Variants in EYA3 observed in about 807,000 individuals in gnomAD.
EYA3 encodes the protein protein phosphatase EYA3.
Under a neutral mutation model 80.0 loss-of-function variants are expected in EYA3, and 39 were observed. The observed-to-expected ratio is 0.49, with a 90% CI of 0.38 to 0.64. The LOEUF is 0.64. EYA3 is among the 30% of genes least tolerant of loss of function. The pLI is 0.00. For missense variants in EYA3, 523 were observed against 676.1 expected (o/e 0.77, Z 2.51); for synonymous variants, 206 against 232.8 (o/e 0.88, Z 1.05).
intron 1 of EYA3, among the ~76,000 whole-genome samples, chr1:28,081,505 A>T (rs955580538): frequency 2.6e-5 from 4 of 152,212 alleles, no homozygotes; most frequent in Non-Finnish European, 5.9e-5. Flanking sequence ...ATATTTAGGT[A>T]CTATTTTTTA....
intron 16 of EYA3, 142 bp downstream of exon 16, chr1:27,988,392 CT>C (rs1316296379): frequency 2.2e-6 from 2 of 900,234 alleles, no homozygotes; most frequent in Admixed American, 6.3e-5. Context: ...AATTGCATTA[CT>C]GAAAATATTA....
At chr1:28,042,475 G>A in intron 4 of EYA3, 96 bp downstream of exon 4, 1 of 1,026,528 alleles carries the variant, frequency 9.7e-7, no homozygotes, top group Non-Finnish European at 1.5e-6. Flanking sequence ...GGATATTTTG[G>A]GACAAACAAG....
At chr1:27,984,643 G>A (rs1280580425) in intron 16 of EYA3, among the ~76,000 whole-genome samples, 2 of 152,160 alleles carry the variant, frequency 1.3e-5, no homozygotes, top group Non-Finnish European at 2.9e-5. Flanking sequence ...GAGGACTTTT[G>A]TCACTGCTGT....
intron 2 of EYA3, among the ~76,000 whole-genome samples, chr1:28,050,175 T>TTTATTA (rs370930213): frequency 4.9e-4 from 66 of 133,566 alleles, no homozygotes; most frequent in South Asian, 1.9e-3. Flanking sequence ...TTACTTTTTA[T>TTTATTA]TTATTATTAT....
At chr1:28,080,912 G>A (rs1172609713) in intron 1 of EYA3, among the ~76,000 whole-genome samples, 3 of 151,930 alleles carry the variant, frequency 2.0e-5, no homozygotes, top group African/African-American at 7.3e-5. Context: ...CACCATGCCT[G>A]GCTAATTTTG....
intron 1 of EYA3, among the ~76,000 whole-genome samples, chr1:28,072,882 T>C (rs1437209551): frequency 6.6e-6 from 1 of 151,636 alleles, no homozygotes; most frequent in Non-Finnish European, 1.5e-5. Context: ...ACCCATACAA[T>C]GGAATACTGT....
intron 1 of EYA3, among the ~76,000 whole-genome samples, chr1:28,059,026 C>T (rs1161073540): frequency 6.6e-6 from 1 of 152,204 alleles, no homozygotes; most frequent in Non-Finnish European, 1.5e-5. Context: ...GTACCTAACT[C>T]ACATACAAAG....
intron 16 of EYA3, among the ~76,000 whole-genome samples, chr1:27,986,342 G>A (rs541676186): frequency 4.0e-5 from 6 of 151,408 alleles, no homozygotes; most frequent in African/African-American, 9.7e-5. Context: ...TCCAGCCTGA[G>A]CAACAAGAGC....
At position 27,981,807 on chromosome 1, in the gene EYA3, T is replaced by G. The variant is rs1166799174; in HGVS notation, c.1541-3333A>C. Among the ~76,000 whole-genome samples the G allele has an allele frequency of 4.0e-5, 6 of 151,468 alleles. No homozygotes were observed. In the East Asian group the frequency reaches 7.7e-4, roughly 20 times the overall value. On this transcript the variant is annotated intron_variant, in intron 16 of 17. Transcript: ENST00000373871. ...AAAAAATGCCTACCACCAACGAAGC[T>G]TTGTAAAATCTTAACACTTCACAGT...
chr1:28,024,982 G>A (rs1571833697), intron 7 of EYA3, among the ~76,000 whole-genome samples: 1 of 152,180 alleles, frequency 6.6e-6, no homozygotes, highest in African/African-American at 2.4e-5. Context: ...GGGAGGATGG[G>A]CTGCTGTCAA....
At chr1:28,060,575 CTTT>C (rs928319928) in intron 1 of EYA3, among the ~76,000 whole-genome samples, 5 of 152,192 alleles carry the variant, frequency 3.3e-5, no homozygotes, top group African/African-American at 1.2e-4. Flanking sequence ...AGAAAACCTT[CTTT>C]AAGGGAAACA....
At chr1:28,064,864 T>G (rs906193753) in intron 1 of EYA3, among the ~76,000 whole-genome samples, 2 of 152,186 alleles carry the variant, frequency 1.3e-5, no homozygotes, top group African/African-American at 4.8e-5. Context: ...ATCATCCTCA[T>G]GCTACAAACA....
rs71027260 is a variant in EYA3, at chr1:28,062,657, GGTGTGTGTGTGTGT to G, written c.-68-4577_-68-4564del. ...TAGGAAGAGAAATTAAATATATGTAGGTGTGTGTGTGTGTGTGTGTGTGTGTGTGTGTGTGTTCT... is the reference window on the plus strand; with the variant it reads ...TAGGAAGAGAAATTAAATATATGTAGGTGTGTGTGTGTGTGTGTGTGTTCT... On this transcript the variant is annotated intron_variant, in intron 1 of 17. Coordinates refer to ENST00000373871, the MANE Select transcript of EYA3 (RefSeq NM_001990.4). Among the ~76,000 whole-genome samples the G allele has an allele frequency of 1.5e-4, 21 of 141,624 alleles. No homozygotes were observed. In the East Asian group the frequency reaches 1.6e-3, roughly 11 times the overall value. 92.9% of individuals were successfully genotyped at this position (141,624 alleles called of 152,430 possible).
chr1:27,984,202 AATTTTT>A (rs1216588938), intron 16 of EYA3, among the ~76,000 whole-genome samples: 8 of 151,878 alleles, frequency 5.3e-5, no homozygotes, highest in African/African-American at 7.2e-5. Flanking sequence ...ACACCCGGCT[AATTTTT>A]ATTTTTATTT....
chr1:28,003,469 C>A (rs973822068), intron 11 of EYA3, among the ~76,000 whole-genome samples: 1 of 149,544 alleles, frequency 6.7e-6, no homozygotes, highest in African/African-American at 2.5e-5. Context: ...GACTCTCTCT[C>A]AAAAAACAAA....
chr1:28,022,490 A>T (rs983169570), intron 7 of EYA3, among the ~76,000 whole-genome samples: 3 of 152,166 alleles, frequency 2.0e-5, no homozygotes, highest in African/African-American at 7.2e-5. Flanking sequence ...CAGATCAATA[A>T]GGGACAGGGT....
At position 28,009,604 on chromosome 1, in the gene EYA3, C is replaced by T. The variant is rs1217326027; in HGVS notation, c.909+1343G>A. ...GGCAGAGGTCACGGTAAGCCGAGAT[C>T]GTGCCACTGCACTCCAGCCTGAGAC... On this transcript the variant is annotated intron_variant, in intron 10 of 17. Coordinates refer to ENST00000373871, the MANE Select transcript of EYA3 (RefSeq NM_001990.4). The surrounding 1 kb of genome is among the most constrained non-coding windows in gnomAD (Gnocchi z 4.8). 1.3e-5 allele frequency among the ~76,000 whole-genome samples: 2 copies of T among 152,028 alleles called. No individual in the cohort carries two copies. Among genetic ancestry groups the T allele is most frequent in the South Asian group, 2.1e-4 (1 of 4,820 alleles).
At chr1:27,980,432 G>A (rs769671797) in intron 16 of EYA3, among the ~76,000 whole-genome samples, 57 of 152,112 alleles carry the variant, frequency 3.7e-4, no homozygotes, top group Non-Finnish European at 6.8e-4. Flanking sequence ...ATATTTTGAG[G>A]ATAAGAACAC....
intron 1 of EYA3, among the ~76,000 whole-genome samples, chr1:28,073,644 C>T (rs1432213590): frequency 6.6e-6 from 1 of 151,930 alleles, no homozygotes; most frequent in African/African-American, 2.4e-5. Flanking sequence ...CCATGTTGAC[C>T]AGGCTGGGCT....
Sources: allele counts gnomAD v4.1 joint callset (sites outside exome capture counted in the v4.1 genomes callset), GRCh38; gene constraint gnomAD v4.1.1; non-coding constraint Gnocchi (gnomAD v3.1); transcripts MANE v1.5; gene names NCBI Gene and HGNC (gene_info 2026-07-23, HGNC 2026-07-21).